The following TASP1 variants were observed in gnomAD, a reference collection of about 807,000 sequenced individuals.
TASP1 encodes threonine aspartase 1.
Under a neutral mutation model 56.6 loss-of-function variants are expected in TASP1, and 16 were observed. The observed-to-expected ratio is 0.28, with a 90% CI of 0.19 to 0.43. The LOEUF is 0.43. Among genes scored for constraint, TASP1 ranks in the 20% least tolerant of loss-of-function variants. The probability of loss-of-function intolerance (pLI) is 1.00; values close to 1 mark genes in which losing one functional copy is unlikely to be tolerated. For missense variants in TASP1, 393 were observed against 511.6 expected (o/e 0.77, Z 2.24); for synonymous variants, 179 against 184.2 (o/e 0.97, Z 0.23).
At chr20:13,483,196 G>T in intron 11 of TASP1, 31 bp downstream of exon 11, 1 of 1,458,850 alleles carries the variant, frequency 6.9e-7, no homozygotes, top group South Asian at 1.3e-5. Context: ...TCCATATTTA[G>T]AAGATGTAAT....
At chr20:13,398,828 C>T (rs1411452934) in intron 13 of TASP1, among the ~76,000 whole-genome samples, 2 of 152,138 alleles carry the variant, frequency 1.3e-5, no homozygotes, top group African/African-American at 4.8e-5. Context: ...ATAGATCAAC[C>T]TCCTCCTCCA....
intron 4 of TASP1, among the ~76,000 whole-genome samples, chr20:13,622,656 T>C (rs1014461553): frequency 4.6e-5 from 7 of 152,180 alleles, no homozygotes; most frequent in Non-Finnish European, 1.0e-4. Flanking sequence ...CACAACCCAG[T>C]CAACCTGGAA....
the TASP1 span, among the ~76,000 whole-genome samples, chr20:13,131,275 C>A: frequency 1.3e-5 from 2 of 152,298 alleles, no homozygotes; most frequent in African/African-American, 2.4e-5. Context: ...GGTAAAATTC[C>A]ATTTCTCAGA....
chr20:13,177,380 C>A, the TASP1 span, among the ~76,000 whole-genome samples: 2 of 152,082 alleles, frequency 1.3e-5, no homozygotes, highest in Non-Finnish European at 2.9e-5. Context: ...TATCAAAACA[C>A]TAGACATTTT....
chr20:13,333,985 A>G, the TASP1 span, among the ~76,000 whole-genome samples: 1 of 152,210 alleles, frequency 6.6e-6, no homozygotes, highest in South Asian at 2.1e-4. Flanking sequence ...CCAACTGGAG[A>G]GGAAAGGCAG....
chr20:13,315,403 G>C, the TASP1 span, among the ~76,000 whole-genome samples: 1 of 151,996 alleles, frequency 6.6e-6, no homozygotes, highest in African/African-American at 2.4e-5. Context: ...CTCAAACAGA[G>C]TAGACTTAAG....
chr20:13,160,153 C>A, the TASP1 span: 2 of 1,608,966 alleles, frequency 1.2e-6, no homozygotes, highest in Non-Finnish European at 8.5e-7. Context: ...CACAGGCCAA[C>A]GGGATCTCAG....
At chr20:13,294,914 T>C in the TASP1 span, among the ~76,000 whole-genome samples, 3 of 152,176 alleles carry the variant, frequency 2.0e-5, no homozygotes, top group African/African-American at 7.2e-5. Context: ...TCCTGAAAGT[T>C]GCGTTGCAAT....
intron 8 of TASP1, among the ~76,000 whole-genome samples, chr20:13,536,586 G>A (rs977470421): frequency 4.6e-5 from 7 of 151,994 alleles, no homozygotes; most frequent in Admixed American, 4.6e-4. Context: ...GATTATTTTT[G>A]GAAATACTGA....
the TASP1 span, among the ~76,000 whole-genome samples, chr20:13,222,164 G>T: frequency 5.3e-5 from 8 of 152,198 alleles, no homozygotes; most frequent in Non-Finnish European, 1.2e-4. Flanking sequence ...CACGGGTCAG[G>T]TGCGGGGTTG....
chr20:13,312,772 A>G, the TASP1 span, among the ~76,000 whole-genome samples: 1 of 152,090 alleles, frequency 6.6e-6, no homozygotes, highest in African/African-American at 2.4e-5. Context: ...CATCTTTACA[A>G]TTTTTACAAA....
the TASP1 span, among the ~76,000 whole-genome samples, chr20:13,131,950 C>G: frequency 2.0e-4 from 30 of 152,182 alleles, no homozygotes; most frequent in Non-Finnish European, 3.5e-4. Flanking sequence ...CAGCCTACTA[C>G]AGGCAGCTGG....
At chr20:13,140,057 G>T in the TASP1 span, among the ~76,000 whole-genome samples, 4 of 152,086 alleles carry the variant, frequency 2.6e-5, no homozygotes, top group African/African-American at 9.7e-5. Flanking sequence ...GCAGAAAATA[G>T]ACCCTGAAGA....
the TASP1 span, among the ~76,000 whole-genome samples, chr20:13,121,898 A>G: frequency 6.6e-6 from 1 of 152,370 alleles, no homozygotes; most frequent in Non-Finnish European, 1.5e-5. Flanking sequence ...TATTCAAACT[A>G]AGAAGGCTCA....
the TASP1 span, among the ~76,000 whole-genome samples, chr20:13,354,162 A>T: frequency 6.6e-6 from 1 of 152,234 alleles, no homozygotes; most frequent in Non-Finnish European, 1.5e-5. Flanking sequence ...AAAGCAGAAC[A>T]AATAAACAGC....
intron 11 of TASP1, among the ~76,000 whole-genome samples, chr20:13,443,347 C>T (rs2043288948): frequency 6.6e-6 from 1 of 152,150 alleles, no homozygotes; most frequent in Non-Finnish European, 1.5e-5. Context: ...ACATGTGGGG[C>T]ACTGCTTAAG....
At chr20:13,150,864 T>C in the TASP1 span, among the ~76,000 whole-genome samples, 2 of 152,236 alleles carry the variant, frequency 1.3e-5, no homozygotes, top group East Asian at 3.8e-4. Flanking sequence ...TTTGTGTGGT[T>C]AGTACTTGCT....
chr20:13,243,959 A>G, the TASP1 span: 1 of 152,220 alleles, frequency 6.6e-6, no homozygotes, highest in East Asian at 1.9e-4. Context: ...TGGAATGAGG[A>G]TAGACCTCAA....
At chr20:13,361,703 C>T in the TASP1 span, among the ~76,000 whole-genome samples, 197 of 152,208 alleles carry the variant, frequency 1.3e-3, no homozygotes, top group African/African-American at 4.4e-3. Context: ...AGTCATACTC[C>T]TATTCACCTT....
Sources: gnomAD v4.1 joint callset for allele counts (sites outside exome capture counted in the v4.1 genomes callset) on GRCh38, gnomAD v4.1.1 for gene constraint, MANE v1.5 for transcripts, NCBI Gene and HGNC (gene_info 2026-07-23, HGNC 2026-07-21) for gene names.